VWA3B: variants seen among roughly 807,000 people sequenced by gnomAD.
The protein encoded by VWA3B is von Willebrand factor A domain-containing protein 3B.
VWA3B carries 138 observed loss-of-function variants against 158.3 expected under a neutral mutation model. That is an observed-to-expected ratio of 0.87 (90% CI 0.76 to 1.00). The LOEUF is 1.00. Ranked by LOEUF, VWA3B falls within the 50% of genes least tolerant of loss-of-function variation. The probability of loss-of-function intolerance (pLI) is 0.00; values close to 1 mark genes in which losing one functional copy is unlikely to be tolerated. For missense variants in VWA3B, 1,555 were observed against 1,565.1 expected, an observed-to-expected ratio of 0.99 and a Z score of 0.11; for synonymous variants, 596 against 587.3, an observed-to-expected ratio of 1.01 and a Z score of -0.21.
At chr2:98,301,297 CAAAAAAACAAAACAAAA>C (rs1189516148) in intron 25 of VWA3B, among the ~76,000 whole-genome samples, 1 of 148,872 alleles carries the variant, frequency 6.7e-6, no homozygotes, top group Non-Finnish European at 1.5e-5. Context: ...CAAAAAAAAA[CAAAAAAACAAAACAAAA>C]AAAAAAACCT....
intron 12 of VWA3B, chr2:98,206,880 CTTATA>C (rs1039810200): frequency 7.3e-6 from 3 of 410,518 alleles, no homozygotes; most frequent in Admixed American, 2.9e-5. Flanking sequence ...AGGGCAATGA[CTTATA>C]TTATGAAATG....
intron 20 of VWA3B, among the ~76,000 whole-genome samples, chr2:98,254,983 C>T (rs1423957525): frequency 2.0e-5 from 3 of 151,966 alleles, no homozygotes; most frequent in Admixed American, 1.3e-4. Context: ...ATTCTCCTAC[C>T]TCATTGTATG....
intron 21 of VWA3B, among the ~76,000 whole-genome samples, chr2:98,269,919 C>T (rs1688095087): frequency 6.6e-6 from 1 of 152,194 alleles, no homozygotes; most frequent in Admixed American, 6.5e-5. Context: ...AGACTGTTCT[C>T]TTCCAAAATC....
intron 22 of VWA3B, among the ~76,000 whole-genome samples, chr2:98,275,656 G>T (rs1688479442): frequency 6.6e-6 from 1 of 152,238 alleles, no homozygotes; most frequent in African/African-American, 2.4e-5. Flanking sequence ...AGCACCAGGT[G>T]CTCAGCAGTA....
At chr2:98,157,004 AT>A (rs1248622192) in intron 7 of VWA3B, among the ~76,000 whole-genome samples, 12 of 152,132 alleles carry the variant, frequency 7.9e-5, no homozygotes, top group Non-Finnish European at 1.0e-4. Context: ...TTCTAAACGA[AT>A]TTTGGACAAT....
At chr2:98,267,576 A>G (rs947240692) in intron 21 of VWA3B, among the ~76,000 whole-genome samples, 10 of 152,098 alleles carry the variant, frequency 6.6e-5, no homozygotes, top group Non-Finnish European at 1.3e-4. Context: ...AAATGCCCAC[A>G]AGAGAGAGCA....
intron 22 of VWA3B, among the ~76,000 whole-genome samples, chr2:98,278,698 C>T (rs929681702): frequency 2.6e-5 from 4 of 152,100 alleles, no homozygotes; most frequent in Non-Finnish European, 4.4e-5. Flanking sequence ...CTCTTTTCTC[C>T]ATCTCTGCTA....
chr2:98,202,963 G>C (rs1036085440), intron 12 of VWA3B, among the ~76,000 whole-genome samples: 1 of 152,112 alleles, frequency 6.6e-6, no homozygotes, highest in African/African-American at 2.4e-5. Context: ...CTCCAGAGTA[G>C]CTAGGCCTAC....
At chr2:98,192,301 G>A (rs1681656718) in intron 10 of VWA3B, 1 of 154,692 alleles carries the variant, frequency 6.5e-6, no homozygotes, top group Admixed American at 6.3e-5. Context: ...CCTGGGTGCA[G>A]GCGGGCTGAG....
At chr2:98,259,634 T>C (rs1430556644) in intron 21 of VWA3B, among the ~76,000 whole-genome samples, 1 of 151,786 alleles carries the variant, frequency 6.6e-6, no homozygotes, top group Non-Finnish European at 1.5e-5. Flanking sequence ...TTTTTCCTTT[T>C]AGTCAATCTA....
intron 8 of VWA3B, among the ~76,000 whole-genome samples, chr2:98,178,320 A>G (rs1680187838): frequency 6.6e-6 from 1 of 152,176 alleles, no homozygotes. Flanking sequence ...AAAATCCAGA[A>G]CAAGCTTCTT....
chr2:98,214,915 T>A (rs62156664), intron 13 of VWA3B, among the ~76,000 whole-genome samples: 1 of 152,172 alleles, frequency 6.6e-6, no homozygotes, highest in African/African-American at 2.4e-5. Context: ...ATGTTTTGAT[T>A]GATACTGCCG....
chr2:98,229,380 C>T (rs1685168179), intron 15 of VWA3B, among the ~76,000 whole-genome samples: 2 of 152,168 alleles, frequency 1.3e-5, no homozygotes, highest in Non-Finnish European at 2.9e-5. Context: ...TCCACGGAGG[C>T]GTCGAGGGGC....
At chr2:98,201,720 A>G (rs574170255) in intron 12 of VWA3B, among the ~76,000 whole-genome samples, 1 of 152,240 alleles carries the variant, frequency 6.6e-6, no homozygotes, top group South Asian at 2.1e-4. Context: ...TGGATTTTGT[A>G]AATGTGTTTT....
chr2:98,217,988 A>AT lies in VWA3B; in HGVS notation c.1983dup (p.Gly662TrpfsTer14). The stretch of plus-strand genomic sequence containing the variant: ...ACTGGAGGAGAGTTCCATTTTTATA[A>AT]TTTTGGTTGCAAGGATCCCACTCCC... On this transcript the variant is annotated frameshift_variant, in exon 14 of 28. Coordinates refer to ENST00000477737, the MANE Select transcript of VWA3B (RefSeq NM_144992.5). LOFTEE classifies it high-confidence loss of function. 6.2e-7 allele frequency: 1 copy of AT among 1,612,866 alleles called. No individual in the cohort carries two copies. Among genetic ancestry groups the AT allele is most frequent in the Non-Finnish European group, 8.5e-7 (1 of 1,179,540 alleles).
In VWA3B at chr2:98,093,108, C is replaced by G; in HGVS notation, c.16C>G (p.Pro6Ala). 6.2e-7 allele frequency: 1 copy of G among 1,613,426 alleles called. No individual in the cohort carries two copies. The highest frequency in any genetic ancestry group is 8.5e-7 in the Non-Finnish European group (1 of 1,179,732). Residue 6 changes from proline (P) to alanine (A), a missense_variant, in exon 2 of 28, where the codon CCA becomes GCA. By Grantham distance (27) the Pro-to-Ala change is conservative. Transcript: ENST00000477737. MEKSG[P>A]SSTISEQQLQ... ...TGATTCAGAGATGGAGAAATCAGGC[C>G]CATCTTCTACCATCTCTGAGCAGCA...
At chr2:98,328,060 C>G in the VWA3B span, among the ~76,000 whole-genome samples, 1 of 152,166 alleles carries the variant, frequency 6.6e-6, no homozygotes, top group Non-Finnish European at 1.5e-5. Context: ...TGGCCCCTTA[C>G]CACAAGCCTC....
intron 8 of VWA3B, among the ~76,000 whole-genome samples, chr2:98,171,163 A>G (rs1235893782): frequency 2.6e-5 from 4 of 152,320 alleles, no homozygotes; most frequent in Middle Eastern, 3.4e-3. Context: ...TGCTTACTCA[A>G]TGTAGCACTA....
intron 15 of VWA3B, 118 bp from the exon 16 acceptor site, chr2:98,229,932 C>T: frequency 8.7e-7 from 1 of 1,151,758 alleles, no homozygotes; most frequent in Non-Finnish European, 1.2e-6. Flanking sequence ...TGGGGGAAGG[C>T]TTACTTTTTA....
Sources: allele counts gnomAD v4.1 joint callset (sites outside exome capture counted in the v4.1 genomes callset), GRCh38; gene constraint gnomAD v4.1.1; transcripts MANE v1.5; gene names NCBI Gene and HGNC (gene_info 2026-07-23, HGNC 2026-07-21).